The following TRPC4 variants were observed in gnomAD, a reference collection of about 807,000 sequenced individuals.
TRPC4 encodes the protein transient receptor potential cation channel subfamily C member 4.
Under a neutral mutation model 99.4 loss-of-function variants are expected in TRPC4, and 49 were observed. The observed-to-expected ratio is 0.49, with a 90% CI of 0.39 to 0.63. The LOEUF (loss-of-function observed/expected upper bound fraction) is 0.63, where lower values mean the gene tolerates loss of function less well. Ranked by LOEUF, TRPC4 falls within the 20% of genes least tolerant of loss-of-function variation. TRPC4 has a pLI of 0.00. For synonymous variants in TRPC4, 454 were observed against 425.9 expected, an observed-to-expected ratio of 1.07 and a Z score of -0.81; for missense variants, 898 against 1,152.9, an observed-to-expected ratio of 0.78 and a Z score of 3.20.
At chr13:37,823,353 A>T (rs1213245350) in intron 1 of TRPC4, among the ~76,000 whole-genome samples, 2 of 150,792 alleles carry the variant, frequency 1.3e-5, no homozygotes, top group Non-Finnish European at 1.5e-5. Context: ...GCCCATGCCT[A>T]TGTCCTGAAT....
At chr13:37,639,465 T>A (rs1951648071) in intron 8 of TRPC4, among the ~76,000 whole-genome samples, 166 bp from the exon 9 acceptor site, 1 of 152,094 alleles carries the variant, frequency 6.6e-6, no homozygotes, top group South Asian at 2.1e-4. Flanking sequence ...ATCAAAAGAA[T>A]GAGTGAACAA....
At chr13:37,789,650 A>G (rs1453152163) in intron 1 of TRPC4, among the ~76,000 whole-genome samples, 1 of 151,978 alleles carries the variant, frequency 6.6e-6, no homozygotes, top group African/African-American at 2.4e-5. Context: ...AATAGCTGTT[A>G]AGCTATCAAA....
chr13:37,743,944 G>A (rs1955667087), intron 3 of TRPC4, among the ~76,000 whole-genome samples: 1 of 152,078 alleles, frequency 6.6e-6, no homozygotes, highest in East Asian at 1.9e-4. Context: ...ATGAGTGCAG[G>A]CAAAAAATAA....
At chr13:37,832,499 A>G (rs554521967) in intron 1 of TRPC4, among the ~76,000 whole-genome samples, 26 of 152,168 alleles carry the variant, frequency 1.7e-4, no homozygotes, top group South Asian at 1.0e-3. Flanking sequence ...AGATCATGCC[A>G]CTGCACTCCA....
chr13:37,693,470 C>A (rs1953797987), intron 3 of TRPC4, among the ~76,000 whole-genome samples: 1 of 152,204 alleles, frequency 6.6e-6, no homozygotes, highest in Non-Finnish European at 1.5e-5. Context: ...TAGGCTTACT[C>A]TATAAGCAAA....
intron 3 of TRPC4, among the ~76,000 whole-genome samples, chr13:37,722,848 A>G (rs999205217): frequency 1.3e-5 from 2 of 152,200 alleles, no homozygotes; most frequent in African/African-American, 2.4e-5. Context: ...CTAAGATAGA[A>G]TCCCAATACT....
At chr13:37,698,191 C>G (rs1286169577) in intron 3 of TRPC4, among the ~76,000 whole-genome samples, 1 of 726 alleles carries the variant, frequency 1.4e-3, no homozygotes. Flanking sequence ...GTGGGAATCT[C>G]ACTCTGTTGC....
In TRPC4 at chr13:37,812,232, C is replaced by T. The variant is rs191636869; in HGVS notation, c.-27-28872G>A. Among the ~76,000 whole-genome samples, 346 of 135,090 alleles carry T rather than the reference C, an allele frequency of 2.6e-3. 1 individual carries two copies. The Middle Eastern group carries it at 0.029, about 11-fold the overall frequency. The allele number at this position is 135,090 out of a possible 152,430, so 88.6% of individuals were successfully genotyped here. On this transcript the variant is annotated intron_variant, in intron 1 of 10. Transcript: ENST00000379705. Reference sequence around the variant, plus strand: ...AATTGCTTCAAGTAAATTAACTGAGCGATAGAACATAACTCAAGATTATTT... The same window carrying T: ...AATTGCTTCAAGTAAATTAACTGAGTGATAGAACATAACTCAAGATTATTT...
intron 1 of TRPC4, among the ~76,000 whole-genome samples, chr13:37,826,849 A>T (rs1233443414): frequency 6.6e-6 from 1 of 152,080 alleles, no homozygotes; most frequent in Non-Finnish European, 1.5e-5. Context: ...GTTCTCCTGG[A>T]TAATATCTTG....
chr13:37,660,604 C>A (rs905428430), intron 6 of TRPC4, among the ~76,000 whole-genome samples: 1 of 151,984 alleles, frequency 6.6e-6, no homozygotes, highest in African/African-American at 2.4e-5. Flanking sequence ...AGAGATGAAA[C>A]CTTATGAGAG....
At chr13:37,808,230 T>C (rs1448392222) in intron 1 of TRPC4, among the ~76,000 whole-genome samples, 3 of 152,100 alleles carry the variant, frequency 2.0e-5, no homozygotes, top group Non-Finnish European at 4.4e-5. Flanking sequence ...TAGAAGGTCT[T>C]TAGTGAAGTT....
At chr13:37,804,091 C>A (rs1372771062) in intron 1 of TRPC4, among the ~76,000 whole-genome samples, 2 of 152,026 alleles carry the variant, frequency 1.3e-5, no homozygotes, top group African/African-American at 2.4e-5. Context: ...TGGTCCGGAT[C>A]TTTAAGTAAC....
chr13:37,782,810 C>T (rs1315717289), intron 2 of TRPC4, 146 bp downstream of exon 2: 3 of 741,818 alleles, frequency 4.0e-6, no homozygotes, highest in Non-Finnish European at 5.8e-6. Flanking sequence ...TAGTAGTTTT[C>T]TGTTATAATA....
At chr13:37,785,321 A>C (rs1956941159) in intron 1 of TRPC4, among the ~76,000 whole-genome samples, 1 of 152,032 alleles carries the variant, frequency 6.6e-6, no homozygotes, top group Non-Finnish European at 1.5e-5. Flanking sequence ...CAGAGTCTAT[A>C]ACAGTGTGTG....
At chr13:37,668,994 C>T (rs977978433) in intron 5 of TRPC4, among the ~76,000 whole-genome samples, 1 of 152,066 alleles carries the variant, frequency 6.6e-6, no homozygotes, top group Admixed American at 6.6e-5. Flanking sequence ...CTTAGACAAT[C>T]CCACACTTTG....
chr13:37,731,701 ATTAT>A (rs1298654771), intron 3 of TRPC4, among the ~76,000 whole-genome samples: 1 of 152,132 alleles, frequency 6.6e-6, no homozygotes, highest in African/African-American at 2.4e-5. Context: ...ATCAATCAAT[ATTAT>A]TTAAATTGTT....
chr13:37,803,031 T>G (rs1372091443), intron 1 of TRPC4, among the ~76,000 whole-genome samples: 1 of 152,110 alleles, frequency 6.6e-6, no homozygotes, highest in African/African-American at 2.4e-5. Context: ...ATTTATTTTA[T>G]TTTTGAGTTA....
In TRPC4 at chr13:37,712,457, G is replaced by T. The variant is rs544901318; in HGVS notation, c.898-20122C>A. Among the ~76,000 whole-genome samples the T allele has an allele frequency of 6.2e-4, 94 of 152,278 alleles. 1 individual carries two copies. Among genetic ancestry groups the T allele is most frequent in the African/African-American group, 2.2e-3 (92 of 41,570 alleles). On this transcript the variant is annotated intron_variant, in intron 3 of 10. Transcript: ENST00000379705. The stretch of plus-strand genomic sequence containing the variant: ...AGCCCTGCCTAGGCAATGATACCTA[G>T]TCCCATGCATTTTTTCATTGTCACG...
chr13:37,823,033 A>G (rs1395051471), intron 1 of TRPC4, among the ~76,000 whole-genome samples: 2 of 149,520 alleles, frequency 1.3e-5, no homozygotes, highest in African/African-American at 4.9e-5. Flanking sequence ...GATGATGAGC[A>G]TTTTTTCATG....
Sources: gnomAD v4.1 joint callset for allele counts (sites outside exome capture counted in the v4.1 genomes callset) on GRCh38, gnomAD v4.1.1 for gene constraint, MANE v1.5 for transcripts, NCBI Gene and HGNC (gene_info 2026-07-23, HGNC 2026-07-21) for gene names.